PSTPIP1: variants seen among roughly 807,000 people sequenced by gnomAD.
PSTPIP1 encodes the protein proline-serine-threonine phosphatase-interacting protein 1.
In PSTPIP1, 66 loss-of-function variants were observed where a neutral mutation model predicts 69.6. That is an observed-to-expected ratio of 0.95 (90% CI 0.78 to 1.16). PSTPIP1 has a LOEUF of 1.16. Ranked by LOEUF, PSTPIP1 falls within the 50% of genes most tolerant of loss-of-function variation. PSTPIP1 has a pLI of 0.00. For missense variants in PSTPIP1, 603 were observed against 557.4 expected (o/e 1.08, Z -0.82); for synonymous variants, 266 against 222.7 (o/e 1.19, Z -1.73).
intron 1 of PSTPIP1, among the ~76,000 whole-genome samples, chr15:77,011,428 A>AGGG: frequency 6.6e-6 from 1 of 152,314 alleles, no homozygotes; most frequent in East Asian, 1.9e-4. Flanking sequence ...TGCTCAGGTG[A>AGGG]GGGGCCCTGT....
chr15:77,003,083 C>T (rs1161882696), intron 1 of PSTPIP1, among the ~76,000 whole-genome samples: 1 of 152,148 alleles, frequency 6.6e-6, no homozygotes, highest in Admixed American at 6.5e-5. Flanking sequence ...AGGTCTCTGC[C>T]CTAAGTGGTG....
At chr15:77,035,707 G>C in intron 13 of PSTPIP1, 95 bp from the exon 14 acceptor site, 3 of 1,494,920 alleles carry the variant, frequency 2.0e-6, no homozygotes, top group Non-Finnish European at 2.7e-6. Flanking sequence ...AGAAGGAAGA[G>C]GCAGGGCCCA....
At chr15:77,010,102 C>G (rs542833410) in intron 1 of PSTPIP1, among the ~76,000 whole-genome samples, 2 of 152,298 alleles carry the variant, frequency 1.3e-5, no homozygotes, top group African/African-American at 4.8e-5. Context: ...TCAGTCACCC[C>G]CAAGGGCCCA....
At chr15:77,004,008 C>T (rs1167971443) in intron 1 of PSTPIP1, among the ~76,000 whole-genome samples, 3 of 152,228 alleles carry the variant, frequency 2.0e-5, no homozygotes, top group Non-Finnish European at 4.4e-5. Flanking sequence ...TGTTATACTC[C>T]ACCATTAGAG....
At chr15:77,028,494 TC>T (rs2076338700) in intron 6 of PSTPIP1, 59 bp from the exon 7 acceptor site, 1 of 1,412,810 alleles carries the variant, frequency 7.1e-7, no homozygotes, top group African/African-American at 1.5e-5. Context: ...GGAGCCTCAC[TC>T]CCGGGGACCA....
intron 12 of PSTPIP1, 113 bp downstream of exon 12, chr15:77,033,065 T>A: frequency 1.8e-6 from 2 of 1,085,580 alleles, no homozygotes; most frequent in Non-Finnish European, 1.4e-6. Flanking sequence ...TGTGTCTGTA[T>A]CTGGTGCCCA....
intron 1 of PSTPIP1, among the ~76,000 whole-genome samples, 197 bp downstream of exon 1, chr15:76,995,806 G>A (rs1420949038): frequency 2.6e-5 from 4 of 152,238 alleles, no homozygotes; most frequent in Admixed American, 2.6e-4. Context: ...CTCCGTGAAT[G>A]AGCGTCCTCC....
chr15:77,029,402 C>T, intron 7 of PSTPIP1, 127 bp from the exon 8 acceptor site: 1 of 1,063,148 alleles, frequency 9.4e-7, no homozygotes, highest in African/African-American at 1.6e-5. Context: ...TGGCATCTGC[C>T]CATAGTTGGC....
intron 14 of PSTPIP1, among the ~76,000 whole-genome samples, chr15:77,036,261 G>A (rs1027114320): frequency 5.3e-5 from 8 of 152,128 alleles, no homozygotes; most frequent in East Asian, 1.9e-4. Flanking sequence ...TACCTATGCC[G>A]TCCACACAGG....
Position 77,032,891 on chromosome 15 carries a change from C to A in PSTPIP1, c.868C>A (p.Arg290=). ...GGTGCCCTACCAGAACTATTACGAT[C>A]GGGAGGTCACCCCGCTGACCAGCAG... ...APVPYQNYYD[R]EVTPLTSSPG... The change falls in exon 12 of 15, where the codon CGG becomes AGG. Residue 290 remains arginine (R), a synonymous_variant. Transcript: ENST00000558012. 1 of 1,601,882 alleles carries A rather than the reference C, an allele frequency of 6.2e-7. No homozygotes were observed. Among genetic ancestry groups the A allele is most frequent in the Non-Finnish European group, 8.5e-7 (1 of 1,174,804 alleles).
At chr15:77,031,115 G>A (rs1596122779) in intron 9 of PSTPIP1, 65 bp from the exon 10 acceptor site, 1 of 1,475,278 alleles carries the variant, frequency 6.8e-7, no homozygotes. Flanking sequence ...GCTGTGAATG[G>A]GGCCCAGCCT....
At position 77,035,307 on chromosome 15, in the gene PSTPIP1, G is replaced by A. The variant is rs899977702; in HGVS notation, c.930-201G>A. 2.6e-5 allele frequency among the ~76,000 whole-genome samples: 4 copies of A among 152,118 alleles called. 1 individual carries two copies. The highest frequency in any genetic ancestry group is 3.9e-4 in the East Asian group (2 of 5,172). On this transcript the variant is annotated intron_variant, in intron 12 of 14. Transcript: ENST00000558012. ...GTGGAGGGCGTAGCTGGGGAAGGAG[G>A]AGCCACCAGGACTACTTTCTGGGGA...
intron 1 of PSTPIP1, chr15:77,008,145 A>C (rs2075857185): frequency 2.2e-6 from 1 of 445,538 alleles, no homozygotes; most frequent in African/African-American, 2.0e-5. Flanking sequence ...GTGAATACTA[A>C]ACGCAGCCAG....
rs796077160 is a variant in PSTPIP1 at position 77,032,525 on chromosome 15, C to A, written c.838+131C>A. ...TCCCTTCAGGGCAGAGAAGCCCTAG[C>A]AGGGGTTGTGGGGAGTTGGGTCCCA... On this transcript the variant is annotated intron_variant, in intron 11 of 14. Coordinates refer to ENST00000558012, the MANE Select transcript of PSTPIP1 (RefSeq NM_003978.5). 2.3e-5 allele frequency: 23 copies of A among 1,002,020 alleles called. No homozygotes were observed. In the African/African-American group the frequency reaches 3.4e-4, roughly 15 times the overall value. The allele number at this position is 1,002,020 out of a possible 1,614,324, so 62.1% of individuals were successfully genotyped here. A position where few individuals can be genotyped will look rare whatever the true frequency, so the allele number is the denominator to read the frequency against.
chr15:77,036,868 G>A (rs2076588113), intron 14 of PSTPIP1, among the ~76,000 whole-genome samples, 177 bp from the exon 15 acceptor site: 1 of 152,100 alleles, frequency 6.6e-6, no homozygotes, highest in African/African-American at 2.4e-5. Flanking sequence ...ACAAACTGAG[G>A]GGGATGGGAG....
intron 8 of PSTPIP1, 123 bp from the exon 9 acceptor site, chr15:77,030,379 G>C: frequency 1.0e-6 from 1 of 985,676 alleles, no homozygotes; most frequent in Non-Finnish European, 1.6e-6. Flanking sequence ...CCATCTGCTA[G>C]GGCAGGTCCC....
At chr15:77,021,352 T>C (rs1343786152) in intron 3 of PSTPIP1, among the ~76,000 whole-genome samples, 5 of 152,050 alleles carry the variant, frequency 3.3e-5, no homozygotes, top group African/African-American at 1.2e-4. Flanking sequence ...TAAGACCCAG[T>C]CCCCAAACTC....
intron 1 of PSTPIP1, chr15:77,015,871 CA>C: frequency 2.2e-6 from 1 of 452,920 alleles, no homozygotes; most frequent in South Asian, 1.6e-5. Context: ...CCCCTGCCAG[CA>C]GCCCAAAGCT....
chr15:77,010,977 T>C (rs989115847), intron 1 of PSTPIP1, among the ~76,000 whole-genome samples: 3 of 152,100 alleles, frequency 2.0e-5, no homozygotes, highest in African/African-American at 7.2e-5. Context: ...TTTGGTTTCA[T>C]GACACAGGAG....
Sources: allele counts gnomAD v4.1 joint callset (sites outside exome capture counted in the v4.1 genomes callset), GRCh38; gene constraint gnomAD v4.1.1; transcripts MANE v1.5; gene names NCBI Gene and HGNC (gene_info 2026-07-23, HGNC 2026-07-21).